The following YAP1 variants were observed in gnomAD, a reference collection of about 807,000 sequenced individuals.
The protein encoded by YAP1 is transcriptional coactivator YAP1.
Under a neutral mutation model 56.9 loss-of-function variants are expected in YAP1, and 5 were observed. The observed-to-expected ratio is 0.09, with a 90% CI of 0.05 to 0.18. The LOEUF (loss-of-function observed/expected upper bound fraction) is 0.18, where lower values mean the gene tolerates loss of function less well. YAP1 is among the 10% of genes least tolerant of loss of function. The probability of loss-of-function intolerance (pLI) is 1.00; values close to 1 mark genes in which losing one functional copy is unlikely to be tolerated. For missense variants in YAP1, 539 were observed against 651.8 expected (o/e 0.83, Z 1.88); for synonymous variants, 265 against 248.1 (o/e 1.07, Z -0.64).
At chr11:102,183,432 T>C (rs1007112750) in intron 3 of YAP1, among the ~76,000 whole-genome samples, 2 of 152,046 alleles carry the variant, frequency 1.3e-5, no homozygotes, top group Non-Finnish European at 1.5e-5. Flanking sequence ...GAATCGAAAA[T>C]ATTTTAAGAA....
chr11:102,118,471 T>G (rs1448078527), intron 2 of YAP1, among the ~76,000 whole-genome samples: 1 of 150,268 alleles, frequency 6.7e-6, no homozygotes, highest in Non-Finnish European at 1.5e-5. Context: ...TTTCCTTTTT[T>G]TTTTTTTTTT....
At chr11:102,178,258 T>C (rs1438712820) in intron 3 of YAP1, among the ~76,000 whole-genome samples, 4 of 152,196 alleles carry the variant, frequency 2.6e-5, no homozygotes, top group Non-Finnish European at 5.9e-5. Flanking sequence ...GAATGTACTT[T>C]TCCAGCTACT....
At chr11:102,196,698 G>A (rs1184110200) in intron 4 of YAP1, among the ~76,000 whole-genome samples, 1 of 150,340 alleles carries the variant, frequency 6.7e-6, no homozygotes, top group Non-Finnish European at 1.5e-5. Flanking sequence ...ACAATTCTGT[G>A]AATTTGTAAG....
intron 7 of YAP1, among the ~76,000 whole-genome samples, chr11:102,224,710 G>C (rs925540497): frequency 3.3e-5 from 5 of 152,184 alleles, no homozygotes; most frequent in Admixed American, 3.3e-4. Flanking sequence ...TAGTTGGAAG[G>C]TTTGATTTTG....
intron 3 of YAP1, among the ~76,000 whole-genome samples, chr11:102,168,636 T>C (rs1276767214): frequency 2.0e-5 from 3 of 152,186 alleles, no homozygotes; most frequent in Non-Finnish European, 4.4e-5. Flanking sequence ...CTCTTGATCA[T>C]GAAAGGTGAT....
chr11:102,112,332 A>C, intron 1 of YAP1: 1 of 896,558 alleles, frequency 1.1e-6, no homozygotes, highest in South Asian at 5.1e-5. Flanking sequence ...ATAGAAGTGA[A>C]ACTGTTTATA....
intron 2 of YAP1, among the ~76,000 whole-genome samples, chr11:102,122,665 G>A (rs745873620): frequency 2.0e-5 from 3 of 151,690 alleles, no homozygotes; most frequent in Non-Finnish European, 4.4e-5. Context: ...AGGCCAAGGC[G>A]GGCGGATCAC....
At chr11:102,129,176 AG>A (rs1272010014) in intron 2 of YAP1, among the ~76,000 whole-genome samples, 2 of 152,226 alleles carry the variant, frequency 1.3e-5, no homozygotes, top group Non-Finnish European at 2.9e-5. Context: ...CTCATTTAAT[AG>A]AGAACTCAAA....
chr11:102,144,855 AACACAC>A (rs565769543), intron 2 of YAP1, among the ~76,000 whole-genome samples: 29 of 100,936 alleles, frequency 2.9e-4, no homozygotes, highest in Non-Finnish European at 4.3e-4. Flanking sequence ...CTTTGGCCAA[AACACAC>A]ACACACACAC....
chr11:102,121,889 C>G lies in YAP1; in HGVS notation c.572+7495C>G, dbSNP rs181730294. ...CACTGCTCACAGCAGCTTCTACATC[C>G]CAGGCTTGTGTGATCCTCCCACCTG... On this transcript the variant is annotated intron_variant, in intron 2 of 8. Transcript: ENST00000282441. 1.2e-4 allele frequency among the ~76,000 whole-genome samples: 19 copies of G among 152,216 alleles called. No individual in the cohort carries two copies. In the East Asian group the frequency reaches 2.3e-3, roughly 19 times the overall value.
intron 4 of YAP1, among the ~76,000 whole-genome samples, chr11:102,193,527 G>C (rs946587243): frequency 2.0e-5 from 3 of 152,110 alleles, no homozygotes; most frequent in African/African-American, 4.8e-5. Context: ...TATCAGTTAT[G>C]GTAAGCAATC....
chr11:102,206,137 A>G (rs1949110642), intron 5 of YAP1, 63 bp downstream of exon 5: 3 of 1,554,762 alleles, frequency 1.9e-6, no homozygotes, highest in Non-Finnish European at 2.6e-6. Context: ...AAAGTTGGGC[A>G]GATTTCATTT....
intron 2 of YAP1, among the ~76,000 whole-genome samples, chr11:102,120,708 G>A (rs1943597445): frequency 6.6e-6 from 1 of 152,146 alleles, no homozygotes; most frequent in Non-Finnish European, 1.5e-5. Context: ...TTAAAGTAAG[G>A]TATTTATTTG....
At chr11:102,151,286 A>T (rs1945642750) in intron 2 of YAP1, among the ~76,000 whole-genome samples, 2 of 152,132 alleles carry the variant, frequency 1.3e-5, no homozygotes, top group Admixed American at 1.3e-4. Context: ...GCTGAAATGT[A>T]CTTGGGTTCT....
At chr11:102,185,287 A>C (rs994972921) in intron 3 of YAP1, among the ~76,000 whole-genome samples, 1 of 152,230 alleles carries the variant, frequency 6.6e-6, no homozygotes, top group Non-Finnish European at 1.5e-5. Context: ...TAAAGATAGG[A>C]AAATCCTTTT....
chr11:102,204,843 C>G (rs1200528483), intron 4 of YAP1, among the ~76,000 whole-genome samples: 3 of 152,134 alleles, frequency 2.0e-5, no homozygotes, highest in African/African-American at 7.2e-5. Flanking sequence ...CCTTGTTATG[C>G]TCTGGAAGAG....
In YAP1 at chr11:102,230,067, T is replaced by TA. The variant is rs1314935359; in HGVS notation, c.*128dup. 1 of 783,222 alleles carries TA rather than the reference T, an allele frequency of 1.3e-6. No individual in the cohort carries two copies. The highest frequency in any genetic ancestry group is 2.1e-6 in the Non-Finnish European group (1 of 475,960). 48.5% of individuals were successfully genotyped at this position (783,222 alleles called of 1,614,324 possible). ...AAAGATGAACAAACGTCCAGCAAGA[T>TA]ACTTTAATCCTCTATTTTGCTCTTC... On this transcript the variant is annotated 3_prime_UTR_variant, in exon 9 of 9. Transcript: ENST00000282441.
rs77347894 is a variant in YAP1 at position 102,142,585 on chromosome 11, C to T, written c.573-19871C>T. Reference sequence around the variant, plus strand: ...GAGCCATGGCATAGCCAGACACTTTCCATAGCTTTGAGAATCTATTCTTGA... The same window carrying T: ...GAGCCATGGCATAGCCAGACACTTTTCATAGCTTTGAGAATCTATTCTTGA... On this transcript the variant is annotated intron_variant, in intron 2 of 8. Transcript: ENST00000282441. Among the ~76,000 whole-genome samples, 931 of 152,308 alleles carry T rather than the reference C, an allele frequency of 6.1e-3. 10 individuals are homozygous for T. The highest frequency in any genetic ancestry group is 0.021 in the African/African-American group (889 of 41,574).
intron 2 of YAP1, among the ~76,000 whole-genome samples, chr11:102,132,126 TAAAAA>T (rs981831452): frequency 6.7e-6 from 1 of 149,578 alleles, no homozygotes; most frequent in Non-Finnish European, 1.5e-5. Context: ...TCAAAAAAAA[TAAAAA>T]AAAAGAGTGA....
Sources: gnomAD v4.1 joint callset for allele counts (sites outside exome capture counted in the v4.1 genomes callset) on GRCh38, gnomAD v4.1.1 for gene constraint, MANE v1.5 for transcripts, NCBI Gene and HGNC (gene_info 2026-07-23, HGNC 2026-07-21) for gene names.